ANTXRL: variants seen among roughly 807,000 people sequenced by gnomAD.
ANTXRL encodes the protein anthrax toxin receptor-like.
A neutral mutation model predicts 75.4 loss-of-function variants in ANTXRL; 63 were observed. The observed-to-expected ratio is 0.84, with a 90% CI of 0.68 to 1.03. The LOEUF (loss-of-function observed/expected upper bound fraction) is 1.03. Ranked by LOEUF, ANTXRL falls within the 50% of genes least tolerant of loss-of-function variation. The pLI, the probability that ANTXRL is intolerant of heterozygous loss-of-function variation, is 0.00. For missense variants in ANTXRL, 797 were observed against 789.4 expected (o/e 1.01, Z -0.12); for synonymous variants, 335 against 291.3 (o/e 1.15, Z -1.53).
At chr10:46,311,256 A>C (rs1226902125) in intron 14 of ANTXRL, among the ~76,000 whole-genome samples, 11 of 152,226 alleles carry the variant, frequency 7.2e-5, no homozygotes, top group Admixed American at 7.2e-4. Flanking sequence ...GGACCATTGC[A>C]TAACCCCCAG....
At position 46,296,049 on chromosome 10, in the gene ANTXRL, T is replaced by G; in HGVS notation, c.423T>G (p.Leu141=). 1 of 1,535,918 alleles carries G rather than the reference T, an allele frequency of 6.5e-7. No homozygotes were observed. The highest frequency in any genetic ancestry group is 1.2e-5 in the South Asian group (1 of 84,036). Residue 141 remains leucine (L), a synonymous_variant, in exon 4 of 17, where the codon CTT becomes CTG. Coordinates refer to ENST00000620264, the MANE Select transcript of ANTXRL (RefSeq NM_001278688.3). Reference sequence around the variant, plus strand: ...GAATAAAAAACGGTCTTGACCAACTTCAGAAAATTGTGCCTGACGGTCACA... The same window carrying G: ...GAATAAAAAACGGTCTTGACCAACTGCAGAAAATTGTGCCTGACGGTCACA... ...KNRIKNGLDQ[L]QKIVPDGHTF... is the part of the protein sequence containing the mutation.
At chr10:46,299,578 C>T (rs1249170294) in intron 9 of ANTXRL, among the ~76,000 whole-genome samples, 3 of 152,104 alleles carry the variant, frequency 2.0e-5, no homozygotes, top group Non-Finnish European at 2.9e-5. Context: ...AGCAAGACCA[C>T]GAGGCATCCA....
intron 3 of ANTXRL, 89 bp from the exon 4 acceptor site, chr10:46,295,930 C>G: frequency 1.8e-6 from 2 of 1,097,028 alleles, no homozygotes; most frequent in Middle Eastern, 2.2e-4. Flanking sequence ...AGGACTGGCG[C>G]AAAGAACAGT....
rs1554958308 is a variant in ANTXRL, at chr10:46,295,497, A to AGAGTTG, written c.393-517_393-516insGGAGTT. On this transcript the variant is annotated intron_variant, in intron 3 of 16. Transcript: ENST00000620264. ...TAGAGTTAGAGTTAGAGTTAGAGTT[A>AGAGTTG]GAGTTAGAGTTAGGAATGTCAACCC... Among the ~76,000 whole-genome samples the AGAGTTG allele has an allele frequency of 6.0e-3, 374 of 62,698 alleles. 31 individuals are homozygous for AGAGTTG. Among genetic ancestry groups the AGAGTTG allele is most frequent in the African/African-American group, 0.016 (352 of 22,238 alleles). The allele number at this position is 62,698 out of a possible 152,430, so 41.1% of individuals were successfully genotyped here.
chr10:46,297,349 C>A (rs1554959088), intron 6 of ANTXRL, 21 bp downstream of exon 6: 1 of 1,536,186 alleles, frequency 6.5e-7, no homozygotes, highest in Non-Finnish European at 8.7e-7. Flanking sequence ...TTCATACTTA[C>A]CAGCATTTTG....
rs1287582430 is a variant in ANTXRL at position 46,308,475 on chromosome 10, C to A, written c.1045-638C>A. 3.4e-5 allele frequency: 15 copies of A among 443,814 alleles called. No individual in the cohort carries two copies. In the Admixed American group the frequency reaches 3.4e-4, roughly 10 times the overall value. The allele number at this position is 443,814 out of a possible 1,614,324, so 27.5% of individuals were successfully genotyped here. The stretch of plus-strand genomic sequence containing the variant: ...CTCTCCAGCCTTCTCTTAAGTAGAG[C>A]TCTGGACATGAGGAAGGCCTGAGCA... On this transcript the variant is annotated intron_variant, in intron 12 of 16. Coordinates refer to ENST00000620264, the MANE Select transcript of ANTXRL (RefSeq NM_001278688.3).
chr10:46,320,732 A>T (rs1838940571), intron 16 of ANTXRL, among the ~76,000 whole-genome samples: 1 of 150,644 alleles, frequency 6.6e-6, no homozygotes, highest in Non-Finnish European at 1.5e-5. Context: ...TCTTTGTCTC[A>T]AAAAAAAAAT....
chr10:46,312,433 G>C (rs1588849867), intron 15 of ANTXRL, among the ~76,000 whole-genome samples: 1 of 147,114 alleles, frequency 6.8e-6, no homozygotes, highest in Non-Finnish European at 1.5e-5. Context: ...GAGGGCGCCT[G>C]GGTGGCTGGT....
intron 16 of ANTXRL, among the ~76,000 whole-genome samples, chr10:46,318,281 C>T (rs1554965004): frequency 1.3e-5 from 2 of 151,890 alleles, no homozygotes; most frequent in Non-Finnish European, 1.5e-5. Context: ...TTTACAATAG[C>T]AATAAAAAAC....
At chr10:46,312,220 G>A (rs560891311) in intron 15 of ANTXRL, among the ~76,000 whole-genome samples, 1 of 151,608 alleles carries the variant, frequency 6.6e-6, no homozygotes, top group South Asian at 2.1e-4. Context: ...CGCCTGCTGA[G>A]ATGGGCTGAC....
intron 16 of ANTXRL, among the ~76,000 whole-genome samples, chr10:46,314,982 A>G (rs1216360460): frequency 3.9e-5 from 6 of 152,138 alleles, no homozygotes; most frequent in Non-Finnish European, 7.3e-5. Flanking sequence ...TATAGTCCTG[A>G]ACACCCGACT....
At chr10:46,304,238 A>C (rs1554961296) in intron 10 of ANTXRL, among the ~76,000 whole-genome samples, 1 of 152,194 alleles carries the variant, frequency 6.6e-6, no homozygotes, top group Admixed American at 6.5e-5. Context: ...GCAGCCTTAC[A>C]GAAAGTCTTT....
intron 16 of ANTXRL, among the ~76,000 whole-genome samples, chr10:46,315,505 C>G (rs572330325): frequency 0.012 from 1,848 of 152,296 alleles, 35 homozygotes; most frequent in African/African-American, 0.042. Flanking sequence ...CACCCCTCTT[C>G]CAGGATCTCC....
chr10:46,288,444 A>G (rs1387418409), intron 1 of ANTXRL, among the ~76,000 whole-genome samples: 15 of 152,212 alleles, frequency 9.9e-5, no homozygotes, highest in African/African-American at 3.1e-4. Context: ...CCAGCATCGC[A>G]GGTTGAAATT....
Position 46,329,830 on chromosome 10 carries a change from C to T in ANTXRL, c.1642C>T (p.Gln548Ter), listed in dbSNP as rs1173243801. 6.5e-7 allele frequency: 1 copy of T among 1,534,990 alleles called. No individual in the cohort carries two copies. The highest frequency in any genetic ancestry group is 8.7e-7 in the Non-Finnish European group (1 of 1,146,276). Residue 548 changes from glutamine to a stop codon, truncating the protein, a stop_gained, in exon 17 of 17, where the codon CAG becomes TAG. Transcript: ENST00000620264. LOFTEE classifies it high-confidence loss of function. ...CAGCAGGGAGTGCCTTGCCCGCAAA[C>T]AGGCTCCCTGCAGCCCAAGGATCTG... ...QHSRECLARK[Q>*]APCSPRICLR... is the part of the protein sequence containing the mutation.
intron 16 of ANTXRL, among the ~76,000 whole-genome samples, chr10:46,325,908 A>G (rs1239653805): frequency 6.6e-6 from 1 of 151,994 alleles, no homozygotes; most frequent in African/African-American, 2.4e-5. Flanking sequence ...CCCCAATATT[A>G]TGTGAATAAA....
rs189271809 is a variant in ANTXRL, at chr10:46,314,433, C to T, written c.1410+1117C>T. 1.4e-3 allele frequency among the ~76,000 whole-genome samples: 220 copies of T among 152,158 alleles called. 2 individuals are homozygous for T. The highest frequency in any genetic ancestry group is 5.0e-3 in the African/African-American group (208 of 41,478). Reference sequence around the variant, plus strand: ...CACTAGTCCAGCCTTATGCACTGAACAGGTGAGACACTTAGGAGGGATAGA... The same window carrying T: ...CACTAGTCCAGCCTTATGCACTGAATAGGTGAGACACTTAGGAGGGATAGA... On this transcript the variant is annotated intron_variant, in intron 16 of 16. Transcript: ENST00000620264.
chr10:46,316,604 A>C (rs1334449295), intron 16 of ANTXRL, among the ~76,000 whole-genome samples: 3 of 152,112 alleles, frequency 2.0e-5, no homozygotes, highest in Non-Finnish European at 4.4e-5. Flanking sequence ...GAGCCGGGTT[A>C]TGAACTGACC....
At position 46,295,899 on chromosome 10, in the gene ANTXRL, T is replaced by TG. The variant is rs545803773; in HGVS notation, c.393-117dup. On this transcript the variant is annotated intron_variant, in intron 3 of 16. Transcript: ENST00000620264. ...GAATGAGGAGGACAAAGCCCTTGCCTGGGCCCCTCCTTCATCCAGGAGGAC... is the reference window on the plus strand; with the variant it reads ...GAATGAGGAGGACAAAGCCCTTGCCTGGGGCCCCTCCTTCATCCAGGAGGAC... The TG allele has an allele frequency of 2.0e-3, 1,625 of 807,208 alleles. 15 individuals are homozygous for TG. In the African/African-American group the frequency reaches 0.025, roughly 13 times the overall value. The allele number at this position is 807,208 out of a possible 1,614,324, so 50.0% of individuals were successfully genotyped here.
Sources: gnomAD v4.1 joint callset for allele counts (sites outside exome capture counted in the v4.1 genomes callset) on GRCh38, gnomAD v4.1.1 for gene constraint, MANE v1.5 for transcripts, NCBI Gene and HGNC (gene_info 2026-07-23, HGNC 2026-07-21) for gene names.